Variants in BCL11A observed in about 807,000 individuals in gnomAD.
BCL11A encodes the protein BCL11 transcription factor A.
In BCL11A, 2 loss-of-function variants were observed where a neutral mutation model predicts 55.9. The ratio of observed to expected loss-of-function variants is 0.04; its 90% confidence interval spans 0.01 to 0.11. The LOEUF (loss-of-function observed/expected upper bound fraction) is 0.11. BCL11A is among the 10% of genes least tolerant of loss of function. The pLI, the probability that BCL11A is intolerant of heterozygous loss-of-function variation, is 1.00. For missense variants in BCL11A, 817 were observed against 1,137.1 expected, an observed-to-expected ratio of 0.72 and a Z score of 4.05; for synonymous variants, 465 against 473.4, an observed-to-expected ratio of 0.98 and a Z score of 0.23.
intron 2 of BCL11A, among the ~76,000 whole-genome samples, chr2:60,532,008 G>A (rs915933557): frequency 4.6e-5 from 7 of 152,084 alleles, no homozygotes; most frequent in Admixed American, 6.5e-5. Context: ...CTGCCACACC[G>A]CCGGGCCCCT....
intron 2 of BCL11A, chr2:60,478,033 G>C (rs950778127): frequency 6.6e-6 from 1 of 151,532 alleles, no homozygotes; most frequent in Middle Eastern, 3.4e-3. Context: ...TGCAATCTTG[G>C]CTCACTGCAA....
chr2:60,464,339 G>C (rs1676481967), intron 3 of BCL11A, among the ~76,000 whole-genome samples: 1 of 152,156 alleles, frequency 6.6e-6, no homozygotes, highest in African/African-American at 2.4e-5. Flanking sequence ...GAAATAAAAA[G>C]CTTCATTGAG....
At chr2:60,553,658 C>T, upstream of BCL11A, 1 of 275,092 alleles carries the variant, frequency 3.6e-6, no homozygotes, top group Non-Finnish European at 6.7e-6. Flanking sequence ...CAGAGACACA[C>T]AAAACATGGG....
rs1164854598 is a variant in BCL11A, at chr2:60,460,800, C to A, written c.2112G>T (p.Gly704=). ...GCCCCGAGATCCCTCCGTCCAGCTC[C>A]CCGGGCGGTGTGGAGAAGCGCAAAC... ...NGSLRFSTPP[G]ELDGGISGRS... is the part of the protein sequence containing the mutation. The change falls in exon 4 of 4, where the codon GGG becomes GGT. Residue 704 remains glycine, a synonymous_variant. Coordinates refer to ENST00000642384, the MANE Select transcript of BCL11A (RefSeq NM_022893.4). 1 of 1,612,996 alleles carries A rather than the reference C, an allele frequency of 6.2e-7. No homozygotes were observed. The highest frequency in any genetic ancestry group is 8.5e-7 in the Non-Finnish European group (1 of 1,180,028).
At chr2:60,467,147 A>ATGGTGG (rs200378268) in intron 3 of BCL11A, among the ~76,000 whole-genome samples, 3 of 45,102 alleles carry the variant, frequency 6.7e-5, no homozygotes, top group East Asian at 1.5e-3. Flanking sequence ...GTTGGTGGTG[A>ATGGTGG]TGGTGGTGGT....
At chr2:60,516,844 C>T (rs183467056) in intron 2 of BCL11A, among the ~76,000 whole-genome samples, 8 of 152,314 alleles carry the variant, frequency 5.3e-5, no homozygotes, top group South Asian at 4.1e-4. Flanking sequence ...TGCCATTGGA[C>T]TCTGTAGTTA....
chr2:60,465,487 C>A (rs1461682564), intron 3 of BCL11A, among the ~76,000 whole-genome samples: 1 of 152,158 alleles, frequency 6.6e-6, no homozygotes, highest in Non-Finnish European at 1.5e-5. Context: ...TATTAGCCCA[C>A]CTACTGGCTT....
intron 2 of BCL11A, among the ~76,000 whole-genome samples, chr2:60,474,466 AT>A (rs1309888450): frequency 6.6e-6 from 1 of 152,210 alleles, no homozygotes; most frequent in African/African-American, 2.4e-5. Flanking sequence ...AGCTGGTTAA[AT>A]TTAGGGTGTT....
intron 2 of BCL11A, among the ~76,000 whole-genome samples, chr2:60,517,918 C>T (rs554857045): frequency 6.1e-5 from 9 of 146,634 alleles, no homozygotes; most frequent in African/African-American, 2.5e-4. Flanking sequence ...CTCAGAAACT[C>T]TTGTCGACTA....
intron 2 of BCL11A, among the ~76,000 whole-genome samples, chr2:60,473,726 T>C (rs1447465942): frequency 6.6e-6 from 1 of 152,258 alleles, no homozygotes; most frequent in African/African-American, 2.4e-5. Context: ...CAGAGTATTA[T>C]AGAGCAAACA....
chr2:60,487,563 C>G (rs964111295), intron 2 of BCL11A, among the ~76,000 whole-genome samples: 2 of 152,034 alleles, frequency 1.3e-5, no homozygotes, highest in Admixed American at 6.6e-5. Context: ...CTAAATGATG[C>G]CTTTATAAAA....
intron 2 of BCL11A, among the ~76,000 whole-genome samples, chr2:60,510,586 C>A (rs1485710319): frequency 6.6e-6 from 1 of 152,204 alleles, no homozygotes; most frequent in Admixed American, 6.5e-5. Flanking sequence ...ATTGGTGCAT[C>A]TTCTGTCTCT....
intron 2 of BCL11A, among the ~76,000 whole-genome samples, chr2:60,497,385 A>T (rs748258546): frequency 8.5e-5 from 13 of 152,208 alleles, no homozygotes; most frequent in Admixed American, 2.6e-4. Flanking sequence ...GCATATATGA[A>T]CTGTCTTTAA....
At chr2:60,463,704 C>A (rs1353888004) in intron 3 of BCL11A, among the ~76,000 whole-genome samples, 1 of 151,776 alleles carries the variant, frequency 6.6e-6, no homozygotes, top group Non-Finnish European at 1.5e-5. Context: ...TATGGAATAA[C>A]TGACCAACAG....
At chr2:60,535,077 A>G (rs1380009178) in intron 2 of BCL11A, 1 of 152,250 alleles carries the variant, frequency 6.6e-6, no homozygotes, top group Admixed American at 6.5e-5. Context: ...TCAAAAATGC[A>G]AAACAATTCG....
intron 2 of BCL11A, among the ~76,000 whole-genome samples, chr2:60,515,581 T>A (rs1668693728): frequency 6.6e-6 from 1 of 152,168 alleles, no homozygotes; most frequent in Non-Finnish European, 1.5e-5. Flanking sequence ...CCTTCCTAGT[T>A]ACCTAGAAAA....
chr2:60,511,266 G>A (rs1055641882), intron 2 of BCL11A, among the ~76,000 whole-genome samples: 2 of 152,320 alleles, frequency 1.3e-5, no homozygotes, highest in East Asian at 3.9e-4. Context: ...CTGAGAGCCC[G>A]GGATGCAGCC....
downstream of BCL11A, among the ~76,000 whole-genome samples, chr2:60,453,706 G>T (rs749509347): frequency 1.3e-5 from 2 of 152,182 alleles, no homozygotes; most frequent in Non-Finnish European, 2.9e-5. Flanking sequence ...AATAGACAAA[G>T]TATATCATGG....
Position 60,513,977 on chromosome 2 carries a change from T to C in BCL11A, c.385+31994A>G, listed in dbSNP as rs1165158833. On this transcript the variant is annotated intron_variant, in intron 2 of 3. Coordinates refer to ENST00000642384, the MANE Select transcript of BCL11A (RefSeq NM_022893.4). Reference sequence around the variant, plus strand: ...TCTAGTTCCACTACTTTGAATTCTCTAGGTTCACAGTCCTAAATCCTCAGA... The same window carrying C: ...TCTAGTTCCACTACTTTGAATTCTCCAGGTTCACAGTCCTAAATCCTCAGA... 2.6e-5 allele frequency among the ~76,000 whole-genome samples: 4 copies of C among 152,336 alleles called. No homozygotes were observed. In the East Asian group the frequency reaches 7.7e-4, roughly 29 times the overall value.
Sources: allele counts gnomAD v4.1 joint callset (sites outside exome capture counted in the v4.1 genomes callset), GRCh38; gene constraint gnomAD v4.1.1; transcripts MANE v1.5; gene names NCBI Gene and HGNC (gene_info 2026-07-23, HGNC 2026-07-21).